Variants in PLB1 observed in about 807,000 individuals in gnomAD.
PLB1 encodes the protein phospholipase B1, also known as phospholipase B1, membrane-associated.
A neutral mutation model predicts 227.4 loss-of-function variants in PLB1; 242 were observed. That is an observed-to-expected ratio of 1.06 (90% CI 0.96 to 1.18). PLB1 has a LOEUF of 1.18. PLB1 is among the 50% of genes most tolerant of loss of function. PLB1 has a pLI of 0.00. For missense variants in PLB1, 1,858 were observed against 1,816.3 expected (o/e 1.02, Z -0.42); for synonymous variants, 757 against 682.2 (o/e 1.11, Z -1.71).
intron 9 of PLB1, among the ~76,000 whole-genome samples, chr2:28,534,234 T>C (rs1375737339): frequency 1.3e-5 from 2 of 152,228 alleles, no homozygotes; most frequent in Non-Finnish European, 2.9e-5. Flanking sequence ...CCTATACTGA[T>C]GGCCATGTAG....
At chr2:28,562,974 C>A in intron 17 of PLB1, 67 bp from the exon 18 acceptor site, 2 of 1,415,648 alleles carry the variant, frequency 1.4e-6, no homozygotes, top group Non-Finnish European at 2.0e-6. Flanking sequence ...TCCTTTGTTT[C>A]AGAGTAGATG....
intron 28 of PLB1, 74 bp downstream of exon 28, chr2:28,589,844 C>T (rs921268456): frequency 5.4e-6 from 8 of 1,474,074 alleles, no homozygotes; most frequent in South Asian, 3.4e-5. Flanking sequence ...TGGAGGACCT[C>T]GGAGGCCCAT....
Position 28,633,036 on chromosome 2 carries a change from C to T in PLB1, c.4095C>T (p.Asn1365=). 1 of 1,613,726 alleles carries T rather than the reference C, an allele frequency of 6.2e-7. No homozygotes were observed. Among genetic ancestry groups the T allele is most frequent in the Non-Finnish European group, 8.5e-7 (1 of 1,179,756 alleles). Residue 1365 remains asparagine (N), a synonymous_variant, in exon 56 of 58, where the codon AAC becomes AAT. Coordinates refer to ENST00000327757, the MANE Select transcript of PLB1 (RefSeq NM_153021.5). Reference sequence around the variant, plus strand: ...AGATGGCCATCGCACTCTGGAACAACATGGTGAGCAGCCAAGGGCCTGGTG... The same window carrying T: ...AGATGGCCATCGCACTCTGGAACAATATGGTGAGCAGCCAAGGGCCTGGTG... ...HAEMAIALWN[N]MLEPVGRKTT... is the part of the protein sequence containing the mutation.
rs138498145 is a variant in PLB1 at position 28,633,934 on chromosome 2, C to T, written c.4098+895C>T. On this transcript the variant is annotated intron_variant, in intron 56 of 57. Coordinates refer to ENST00000327757, the MANE Select transcript of PLB1 (RefSeq NM_153021.5). ...GCTCCTTTTATCACAGTTTCAGGCC[C>T]ATAGTGTCTCTGCCAACCACCGCTG... Among the ~76,000 whole-genome samples the T allele has an allele frequency of 3.4e-4, 52 of 152,242 alleles. No individual in the cohort carries two copies. The East Asian group carries it at 9.3e-3, about 27-fold the overall frequency.
At chr2:28,559,427 T>C (rs982724056) in intron 17 of PLB1, among the ~76,000 whole-genome samples, 1 of 152,234 alleles carries the variant, frequency 6.6e-6, no homozygotes, top group Non-Finnish European at 1.5e-5. Context: ...CAACTATGTA[T>C]GTGTGAGTTT....
chr2:28,553,988 C>A (rs1443712118), intron 17 of PLB1, among the ~76,000 whole-genome samples: 2 of 152,136 alleles, frequency 1.3e-5, no homozygotes, highest in African/African-American at 4.8e-5. Flanking sequence ...TCTCCACACT[C>A]CAACTAAGAC....
intron 31 of PLB1, 61 bp downstream of exon 31, chr2:28,591,821 A>G (rs1682003105): frequency 6.6e-7 from 1 of 1,520,686 alleles, no homozygotes; most frequent in Non-Finnish European, 9.1e-7. Context: ...TATGCTGGTG[A>G]GTCCTCTGAC....
rs1162957597 is a variant in PLB1 at position 28,602,101 on chromosome 2, G to A, written c.2673+137G>A. On this transcript the variant is annotated intron_variant, in intron 38 of 57. Coordinates refer to ENST00000327757, the MANE Select transcript of PLB1 (RefSeq NM_153021.5). ...GCATGGACTCCTTCCCTTTTCAGAG[G>A]TTGGGGTCTAACCCCAAGGAAACCT... is the stretch of plus-strand genomic sequence containing the variant. 4 of 849,656 alleles carry A rather than the reference G, an allele frequency of 4.7e-6. No individual in the cohort carries two copies. In the African/African-American group the frequency reaches 5.1e-5, roughly 11 times the overall value. 52.6% of individuals were successfully genotyped at this position (849,656 alleles called of 1,614,324 possible).
intron 49 of PLB1, among the ~76,000 whole-genome samples, chr2:28,621,217 A>C (rs1687009601): frequency 6.6e-6 from 1 of 152,176 alleles, no homozygotes; most frequent in African/African-American, 2.4e-5. Flanking sequence ...AGGCAGGATC[A>C]GACCATGCCT....
chr2:28,591,708 G>T lies in PLB1; in HGVS notation c.2136G>T (p.Gly712=), dbSNP rs766323561. 6.2e-7 allele frequency: 1 copy of T among 1,613,944 alleles called. No homozygotes were observed. The part of the protein sequence containing the change: ...RTYKNSMQGH[G]TWLPCRDRAP... The stretch of plus-strand genomic sequence containing the variant: ...TTGTTCTATGCCCTTAGGGTCATGG[G>T]ACCTGGCTGCCATGCAGGGACAGAG... The change falls in exon 31 of 58, where the codon GGG becomes GGT. Residue 712 remains glycine, a synonymous_variant. Coordinates refer to ENST00000327757, the MANE Select transcript of PLB1 (RefSeq NM_153021.5).
chr2:28,516,737 C>T, intron 1 of PLB1, 71 bp from the exon 2 acceptor site: 1 of 1,372,736 alleles, frequency 7.3e-7, no homozygotes, highest in South Asian at 1.2e-5. Flanking sequence ...GGAGGAAGGG[C>T]ATGAAAGCTA....
chr2:28,630,974 C>T (rs1008075461), intron 54 of PLB1, among the ~76,000 whole-genome samples: 1 of 151,962 alleles, frequency 6.6e-6, no homozygotes. Flanking sequence ...CTACTCACTT[C>T]CTCCCCTCCC....
chr2:28,561,013 TG>T (rs2148235845), intron 17 of PLB1, among the ~76,000 whole-genome samples: 1 of 152,360 alleles, frequency 6.6e-6, no homozygotes, highest in East Asian at 1.9e-4. Flanking sequence ...CTGTTATTCC[TG>T]AGGCTTAATT....
intron 20 of PLB1, among the ~76,000 whole-genome samples, chr2:28,567,825 G>A (rs13418344): frequency 0.41 from 61,702 of 151,920 alleles, 13,016 homozygotes; most frequent in Admixed American, 0.5. Context: ...TCGCCAGTGC[G>A]TACACATCTC....
At chr2:28,510,805 T>TGTGTGTGTGTGTGTGTGTGTGTG (rs1553398016) in intron 1 of PLB1, among the ~76,000 whole-genome samples, 1 of 150,684 alleles carries the variant, frequency 6.6e-6, no homozygotes, top group African/African-American at 2.4e-5. Context: ...TGTGTGTGTG[T>TGTGTGTGTGTGTGTGTGTGTGTG]TTTGTAGAGA....
At position 28,540,438 on chromosome 2, in the gene PLB1, T is replaced by C; in HGVS notation, c.771T>C (p.Tyr257=). The change falls in exon 12 of 58, where the codon TAT becomes TAC. Residue 257 remains tyrosine, a synonymous_variant. Transcript: ENST00000327757. ...CCAAGGTGGTGATGCAGTGGTCTTA[T>C]CAGGTGAGCCCAACCTGGGATCCCA... ...RLAKVVMQWS[Y]QEAWNSLLAS... is the part of the protein sequence containing the mutation. The C allele has an allele frequency of 6.2e-7, 1 of 1,613,780 alleles. No individual in the cohort carries two copies. The highest frequency in any genetic ancestry group is 8.5e-7 in the Non-Finnish European group (1 of 1,179,906).
intron 20 of PLB1, among the ~76,000 whole-genome samples, chr2:28,568,577 CT>C (rs1440275575): frequency 6.6e-6 from 1 of 152,232 alleles, no homozygotes; most frequent in African/African-American, 2.4e-5. Context: ...GTTCAACCCC[CT>C]GTTCAATTTA....
intron 23 of PLB1, among the ~76,000 whole-genome samples, chr2:28,580,996 G>A (rs1469624888): frequency 6.6e-6 from 1 of 152,044 alleles, no homozygotes; most frequent in Non-Finnish European, 1.5e-5. Context: ...GATCTGAAGG[G>A]CCCAGAGGGG....
rs1393805461 is a variant in PLB1, at chr2:28,642,948, G to A, written c.4264G>A (p.Val1422Met). The A allele has an allele frequency of 1.2e-6, 2 of 1,609,208 alleles. No homozygotes were observed. Among genetic ancestry groups the A allele is most frequent in the Non-Finnish European group, 1.7e-6 (2 of 1,178,124 alleles). ...CGAGGTGCTCTACTGGGCTGTCCCA[G>A]TGGCAGCGGGAGTCGGCCTTGTGGT... ...APEVLYWAVPVAAGVGLVVGI... is the reference protein window; with the variant it reads ...APEVLYWAVPMAAGVGLVVGI... The change falls in exon 58 of 58, where the codon GTG (valine) becomes ATG (methionine). Residue 1422 changes from valine (V) to methionine (M), a missense_variant. Coordinates refer to ENST00000327757, the MANE Select transcript of PLB1 (RefSeq NM_153021.5).
Sources: gnomAD v4.1 joint callset for allele counts (sites outside exome capture counted in the v4.1 genomes callset) on GRCh38, gnomAD v4.1.1 for gene constraint, MANE v1.5 for transcripts, NCBI Gene and HGNC (gene_info 2026-07-23, HGNC 2026-07-21) for gene names.